The following MTCL1 variants were observed in gnomAD, a reference collection of about 807,000 sequenced individuals.
MTCL1 encodes microtubule cross-linking factor 1.
A neutral mutation model predicts 141.4 loss-of-function variants in MTCL1; 79 were observed. That is an observed-to-expected ratio of 0.56 (90% CI 0.47 to 0.67). MTCL1 has a LOEUF of 0.67. Ranked by LOEUF, MTCL1 falls within the 30% of genes least tolerant of loss-of-function variation. The probability of loss-of-function intolerance (pLI) is 0.00; values close to 1 mark genes in which losing one functional copy is unlikely to be tolerated. For missense variants in MTCL1, 2,177 were observed against 2,113.9 expected (o/e 1.03, Z -0.59); for synonymous variants, 914 against 875.8 (o/e 1.04, Z -0.77).
chr18:8,727,005 ATGTTTACCCAT>A (rs1481235587), intron 4 of MTCL1, among the ~76,000 whole-genome samples: 2 of 152,002 alleles, frequency 1.3e-5, no homozygotes, highest in African/African-American at 4.8e-5. Flanking sequence ...CTTTGTGTCT[ATGTTTACCCAT>A]TGTTTAGCTC....
exon 15 of MTCL1, chr18:8,825,005 G>A (rs114022207): frequency 3.3e-5 from 53 of 1,613,220 alleles, no homozygotes; most frequent in Admixed American, 1.3e-4. Context: ...CCATGACCAC[G>A]GACACCATGA....
At chr18:8,798,363 C>A in intron 10 of MTCL1, 72 bp downstream of exon 9, 6 of 1,305,484 alleles carry the variant, frequency 4.6e-6, no homozygotes, top group South Asian at 4.3e-5. Context: ...GCATTTGGGT[C>A]GTTTTGTTTC....
At chr18:8,783,755 G>A (rs1568023249) in exon 6 of MTCL1, 2 of 1,612,394 alleles carry the variant, frequency 1.2e-6, no homozygotes, top group Non-Finnish European at 8.5e-7. Flanking sequence ...AAAGCTGGTG[G>A]AGGAGGAAGC....
At chr18:8,720,453 T>C (rs1303955667) in exon 4 of MTCL1, 3 of 1,614,030 alleles carry the variant, frequency 1.9e-6, no homozygotes, top group Non-Finnish European at 2.5e-6. Flanking sequence ...GAAGTGGAAA[T>C]ATCCAAACAG....
At chr18:8,748,574 A>G (rs114620583) in intron 4 of MTCL1, among the ~76,000 whole-genome samples, 4,478 of 152,128 alleles carry the variant, frequency 0.029, 230 homozygotes, top group African/African-American at 0.1. Context: ...GTGTATATAT[A>G]TATATGCACA....
upstream of MTCL1, among the ~76,000 whole-genome samples, chr18:8,717,013 C>T (rs917006614): frequency 5.3e-5 from 8 of 152,104 alleles, no homozygotes; most frequent in African/African-American, 1.4e-4. Flanking sequence ...ACAAAGCGAG[C>T]GTGCAGTTGT....
chr18:8,831,753 G>GGAGGAGCATGGTGGC (rs1319326935), exon 17 of MTCL1: 12 of 1,550,422 alleles, frequency 7.7e-6, no homozygotes, highest in Non-Finnish European at 1.0e-5. Context: ...CGACGTCCTT[G>GGAGGAGCATGGTGGC]GAGGAGCATG....
chr18:8,725,244 G>T (rs1322568793), intron 4 of MTCL1, among the ~76,000 whole-genome samples: 1 of 152,104 alleles, frequency 6.6e-6, no homozygotes, highest in Non-Finnish European at 1.5e-5. Flanking sequence ...AAGAGTCCGA[G>T]GGAACCAACT....
intron 4 of MTCL1, among the ~76,000 whole-genome samples, chr18:8,721,238 G>A (rs368947559): frequency 6.6e-6 from 1 of 152,172 alleles, no homozygotes; most frequent in Non-Finnish European, 1.5e-5. Context: ...GTGAATTCTG[G>A]TGTGTTACCT....
At chr18:8,766,705 C>T (rs1264449782) in intron 4 of MTCL1, among the ~76,000 whole-genome samples, 1 of 152,198 alleles carries the variant, frequency 6.6e-6, no homozygotes, top group Non-Finnish European at 1.5e-5. Context: ...CTGCTGAATG[C>T]CTGCTCCCAG....
At position 8,809,726 on chromosome 18, in the gene MTCL1, G is replaced by A; in HGVS notation, c.2604+2666G>A. ...CACGGCTGTCAGGTTTCTAGTACGG[G>A]TGCCTGGGCGATGGGCCATCACTGA... On this transcript the variant is annotated intron_variant, in intron 11 of 16. Coordinates refer to ENST00000359865, the Ensembl canonical transcript of MTCL1. 1.1e-5 allele frequency: 12 copies of A among 1,072,962 alleles called. No individual in the cohort carries two copies. In the South Asian group the frequency reaches 2.0e-4, roughly 18 times the overall value. 66.5% of individuals were successfully genotyped at this position (1,072,962 alleles called of 1,614,324 possible). A position where few individuals can be genotyped will look rare whatever the true frequency, so the allele number is the denominator to read the frequency against.
Position 8,825,776 on chromosome 18 carries a change from A to G in MTCL1, c.4266A>G (p.Ser1422=), listed in dbSNP as rs530866294. Residue 1422 remains serine (S), a synonymous_variant, in exon 15 of 17, where the codon TCA becomes TCG. Coordinates refer to ENST00000359865, the Ensembl canonical transcript of MTCL1. Reference sequence around the variant, plus strand: ...TGGCCCAGAAAGGGTACAGTGAGTCAGCCTGGGCCCGCTCCACCACCACAA... The same window carrying G: ...TGGCCCAGAAAGGGTACAGTGAGTCGGCCTGGGCCCGCTCCACCACCACAA... 3.1e-6 allele frequency: 5 copies of G among 1,614,182 alleles called. No individual in the cohort carries two copies. The East Asian group carries it at 1.1e-4, about 36-fold the overall frequency.
Position 8,830,948 on chromosome 18 carries a change from G to A in MTCL1, c.*19-659G>A. ...GGATGCCTGAAACACAAAACCACCA[G>A]TACATTCTGATTCTACCTTTTTAAA... is the stretch of plus-strand genomic sequence containing the variant. On this transcript the variant is annotated intron_variant, in intron 16 of 16. Transcript: ENST00000359865. The surrounding 1 kb of genome is among the most constrained non-coding windows in gnomAD (Gnocchi z 6.4). The A allele has an allele frequency of 3.0e-6, 3 of 985,704 alleles. No homozygotes were observed. Among genetic ancestry groups the A allele is most frequent in the Non-Finnish European group, 3.6e-6 (3 of 830,194 alleles). The allele number at this position is 985,704 out of a possible 1,614,324, so 61.1% of individuals were successfully genotyped here.
intron 9 of MTCL1, among the ~76,000 whole-genome samples, chr18:8,797,058 G>A (rs943786473): frequency 6.6e-6 from 1 of 152,180 alleles, no homozygotes; most frequent in African/African-American, 2.4e-5. Flanking sequence ...CTCTGACCTA[G>A]TGTTAAGAGT....
At chr18:8,784,112 C>A (rs1015474197) in exon 6 of MTCL1, 2 of 1,613,364 alleles carry the variant, frequency 1.2e-6, no homozygotes, top group Admixed American at 1.7e-5. Flanking sequence ...TGGGGCCCCC[C>A]TGCAGGAGGA....
At chr18:8,708,883 G>A (rs28560202) in intron 1 of MTCL1, among the ~76,000 whole-genome samples, 2,862 of 152,148 alleles carry the variant, frequency 0.019, 91 homozygotes, top group African/African-American at 0.062. Context: ...CTGTTCCTCC[G>A]ACAGCAGGGG....
intron 5 of MTCL1, among the ~76,000 whole-genome samples, chr18:8,781,550 C>T (rs980769882): frequency 6.6e-6 from 1 of 152,192 alleles, no homozygotes; most frequent in East Asian, 1.9e-4. Context: ...TTACCCAATA[C>T]TAATTGTGTT....
In MTCL1 at chr18:8,784,295, G is replaced by A. The variant is rs768811451; in HGVS notation, c.1183G>A (p.Glu395Lys). The stretch of plus-strand genomic sequence containing the variant: ...TGCCGAGAGTGATGCGGGCAAGAAG[G>A]AGAGTGATGGGGAGGAGAGCCGCCT... Residue 395 changes from glutamate (E) to lysine (K), a missense_variant, in exon 6 of 17, where the codon GAG becomes AAG. Glu to Lys is a moderately conservative substitution (Grantham distance 56). Transcript: ENST00000359865. The A allele has an allele frequency of 1.3e-5, 20 of 1,582,022 alleles. No homozygotes were observed. In the East Asian group the frequency reaches 4.3e-4, roughly 34 times the overall value.
At chr18:8,784,305 G>A in exon 6 of MTCL1, 2 of 1,572,662 alleles carry the variant, frequency 1.3e-6, no homozygotes, top group Non-Finnish European at 1.7e-6. Flanking sequence ...GAGAGTGATG[G>A]GGAGGAGAGC....
Sources: gnomAD v4.1 joint callset for allele counts (sites outside exome capture counted in the v4.1 genomes callset) on GRCh38, gnomAD v4.1.1 for gene constraint, Gnocchi (gnomAD v3.1) non-coding constraint, MANE v1.5 for transcripts, NCBI Gene and HGNC (gene_info 2026-07-23, HGNC 2026-07-21) for gene names.